The following FGF12 variants were observed in gnomAD, a reference collection of about 807,000 sequenced individuals.
The protein encoded by FGF12 is fibroblast growth factor 12.
FGF12 carries 14 observed loss-of-function variants against 23.6 expected under a neutral mutation model. The observed-to-expected ratio is 0.59, with a 90% CI of 0.39 to 0.93. The LOEUF is 0.93. Among genes scored for constraint, FGF12 ranks in the 40% least tolerant of loss-of-function variants. The pLI is 0.00. For synonymous variants in FGF12, 62 were observed against 77.3 expected (o/e 0.80, Z 1.04); for missense variants, 175 against 217.8 (o/e 0.80, Z 1.24).
chr3:192,692,817 T>A (rs989324019), intron 2 of FGF12, among the ~76,000 whole-genome samples: 1 of 152,026 alleles, frequency 6.6e-6, no homozygotes, highest in East Asian at 1.9e-4. Context: ...AAAGAAAATT[T>A]ACTCAACATA....
intron 2 of FGF12, among the ~76,000 whole-genome samples, chr3:192,368,591 G>T (rs1391238811): frequency 6.6e-6 from 1 of 152,132 alleles, no homozygotes; most frequent in Non-Finnish European, 1.5e-5. Context: ...ACAGATTAGA[G>T]GCTCTCTGAA....
chr3:192,713,841 T>C (rs1718773393), intron 2 of FGF12, among the ~76,000 whole-genome samples: 2 of 152,362 alleles, frequency 1.3e-5, no homozygotes, highest in South Asian at 2.1e-4. Context: ...TGTGTCTTCC[T>C]GGAGCAGTTT....
chr3:192,663,108 A>G (rs546920227), intron 2 of FGF12, among the ~76,000 whole-genome samples: 1 of 152,360 alleles, frequency 6.6e-6, no homozygotes, highest in African/African-American at 2.4e-5. Context: ...CATGACTTGG[A>G]AAACTTGCAG....
chr3:192,389,064 T>G (rs1207750463), intron 2 of FGF12, among the ~76,000 whole-genome samples: 1 of 152,100 alleles, frequency 6.6e-6, no homozygotes, highest in African/African-American at 2.4e-5. Flanking sequence ...GTGAAAAGAC[T>G]TAAATTAATA....
chr3:192,493,894 G>C (rs977957481), intron 2 of FGF12, among the ~76,000 whole-genome samples: 3 of 151,974 alleles, frequency 2.0e-5, no homozygotes, highest in African/African-American at 7.3e-5. Context: ...GATTTGGATG[G>C]GGACACAGAT....
chr3:192,567,787 TTCTTTCTTTCTTTCTCTTTCTTTCTTTC>T (rs984109259), intron 2 of FGF12, among the ~76,000 whole-genome samples: 5 of 131,022 alleles, frequency 3.8e-5, no homozygotes, highest in African/African-American at 1.4e-4. Flanking sequence ...CTTTCTTTCT[TTCTTTCTTTCTTTCTCTTTCTTTCTTTC>T]TCTCTCTCTC....
chr3:192,437,832 C>T (rs1722076076), intron 2 of FGF12, among the ~76,000 whole-genome samples: 1 of 152,154 alleles, frequency 6.6e-6, no homozygotes, highest in Non-Finnish European at 1.5e-5. Flanking sequence ...CACTTAAAGT[C>T]TCCAGCTTCC....
chr3:192,425,144 T>C (rs1162128625), intron 2 of FGF12, among the ~76,000 whole-genome samples: 1 of 152,228 alleles, frequency 6.6e-6, no homozygotes, highest in Non-Finnish European at 1.5e-5. Context: ...CATTGGGCAC[T>C]TACCACATGC....
chr3:192,274,890 T>C (rs1265110936), intron 4 of FGF12, among the ~76,000 whole-genome samples: 1 of 152,162 alleles, frequency 6.6e-6, no homozygotes, highest in Non-Finnish European at 1.5e-5. Flanking sequence ...ACAAAGTCCA[T>C]GGTTTAGGTG....
intron 2 of FGF12, among the ~76,000 whole-genome samples, chr3:192,378,735 G>A (rs1285639312): frequency 6.6e-6 from 1 of 152,066 alleles, no homozygotes; most frequent in African/African-American, 2.4e-5. Flanking sequence ...GGGTGCAGGT[G>A]TGGGGTTGTG....
intron 2 of FGF12, among the ~76,000 whole-genome samples, chr3:192,536,619 A>G (rs934332774): frequency 6.6e-6 from 1 of 152,062 alleles, no homozygotes; most frequent in South Asian, 2.1e-4. Flanking sequence ...TTAAAAATAT[A>G]TATATAAAAT....
intron 4 of FGF12, among the ~76,000 whole-genome samples, chr3:192,204,821 T>A (rs1717560374): frequency 6.6e-6 from 1 of 151,760 alleles, no homozygotes; most frequent in South Asian, 2.1e-4. Flanking sequence ...GGGAGGCAGA[T>A]GTTGTGGTGA....
rs1162913848 is a variant in FGF12, at chr3:192,556,245, T to C, written c.13+170936A>G. 1.4e-4 allele frequency among the ~76,000 whole-genome samples: 21 copies of C among 152,160 alleles called. 1 individual carries two copies. Among genetic ancestry groups the C allele is most frequent in the Admixed American group, 1.4e-3 (21 of 15,272 alleles). On this transcript the variant is annotated intron_variant, in intron 2 of 5. Coordinates refer to ENST00000445105, the MANE Select transcript of FGF12 (RefSeq NM_004113.6). ...TGAGTGGCTGAATGTTTGTTTTTGT[T>C]TTAAAGATCCAACTATAAGATATAA...
At chr3:192,680,838 A>G (rs1262215863) in intron 2 of FGF12, among the ~76,000 whole-genome samples, 2 of 152,224 alleles carry the variant, frequency 1.3e-5, no homozygotes, top group Non-Finnish European at 2.9e-5. Flanking sequence ...ATTAGATGCT[A>G]GACTCATAAT....
At chr3:192,298,684 T>A (rs1234246) in intron 4 of FGF12, among the ~76,000 whole-genome samples, 3 of 152,042 alleles carry the variant, frequency 2.0e-5, no homozygotes, top group Non-Finnish European at 4.4e-5. Flanking sequence ...GAGGTGGAGG[T>A]TGCAGTGAGC....
intron 2 of FGF12, among the ~76,000 whole-genome samples, chr3:192,599,862 G>T (rs2108630124): frequency 6.6e-6 from 1 of 152,136 alleles, no homozygotes; most frequent in East Asian, 1.9e-4. Context: ...GAAAAAAAGT[G>T]TGGAGATAGT....
At chr3:192,617,528 G>A (rs1465893930) in intron 2 of FGF12, among the ~76,000 whole-genome samples, 1 of 152,076 alleles carries the variant, frequency 6.6e-6, no homozygotes, top group Admixed American at 6.6e-5. Flanking sequence ...TTTCAGTCTT[G>A]AAATTGGTGT....
At chr3:192,640,598 G>A (rs967167679) in intron 2 of FGF12, among the ~76,000 whole-genome samples, 9 of 152,178 alleles carry the variant, frequency 5.9e-5, no homozygotes, top group African/African-American at 2.2e-4. Context: ...AACATGGCCT[G>A]CCAGTGTCCA....
intron 2 of FGF12, among the ~76,000 whole-genome samples, chr3:192,482,933 T>C (rs1157129339): frequency 2.6e-5 from 4 of 152,182 alleles, no homozygotes; most frequent in African/African-American, 9.7e-5. Flanking sequence ...TTCATTTCCT[T>C]GTTCGAGGCT....
Sources: gnomAD v4.1 joint callset for allele counts (sites outside exome capture counted in the v4.1 genomes callset) on GRCh38, gnomAD v4.1.1 for gene constraint, MANE v1.5 for transcripts, NCBI Gene and HGNC (gene_info 2026-07-23, HGNC 2026-07-21) for gene names.